Variants in CFAP92 observed in about 807,000 individuals in gnomAD.
CFAP92 encodes uncharacterized protein CFAP92.
In CFAP92, 86 loss-of-function variants were observed where a neutral mutation model predicts 106.3. The ratio of observed to expected loss-of-function variants is 0.81; its 90% CI spans 0.68 to 0.97. The LOEUF (loss-of-function observed/expected upper bound fraction) is 0.97. CFAP92 is among the 50% of genes least tolerant of loss of function. CFAP92 has a pLI of 0.00. For missense variants in CFAP92, 1,204 were observed against 1,283.8 expected (o/e 0.94, Z 0.95); for synonymous variants, 477 against 506.4 (o/e 0.94, Z 0.78).
intron 12 of CFAP92, among the ~76,000 whole-genome samples, chr3:128,927,786 A>G (rs1419154298): frequency 3.3e-5 from 5 of 152,148 alleles, no homozygotes; most frequent in African/African-American, 1.2e-4. Flanking sequence ...AAGTAATTCA[A>G]TTCATAACAC....
the CFAP92 span, among the ~76,000 whole-genome samples, chr3:129,020,659 G>T: frequency 4.6e-5 from 7 of 152,126 alleles, no homozygotes; most frequent in African/African-American, 1.7e-4. Flanking sequence ...ATAAAATGAT[G>T]GGAAAGTTGA....
chr3:128,942,197 T>C (rs1408456999), intron 10 of CFAP92, among the ~76,000 whole-genome samples: 1 of 152,202 alleles, frequency 6.6e-6, no homozygotes, highest in Non-Finnish European at 1.5e-5. Context: ...ACAGTTACAG[T>C]TGTATTACAG....
rs753649149 is a variant in CFAP92 at position 128,945,471 on chromosome 3, T to G, written c.1858A>C (p.Met620Leu). 2 of 1,536,060 alleles carry G rather than the reference T, an allele frequency of 1.3e-6. No individual in the cohort carries two copies. The highest frequency in any genetic ancestry group is 4.9e-5 in the East Asian group (2 of 40,938). ...GCCTCTAGGTAGTTGCCCCTGGGCA[T>G]TGGGCCGTGCTGGTGGCCATCTCTG... Reference protein sequence around the residue: ...VPRDGHQHGPMPRGNYLEADS... With the variant: ...VPRDGHQHGPLPRGNYLEADS... Residue 620 changes from methionine to leucine, a missense_variant, in exon 10 of 16, where the codon ATG becomes CTG. Transcript: ENST00000645291.
chr3:128,966,948 TAAAC>T (rs906270064), intron 8 of CFAP92: 2 of 151,854 alleles, frequency 1.3e-5, no homozygotes, highest in African/African-American at 2.4e-5. Context: ...ACAAAACAAA[TAAAC>T]AAAAAAAATC....
At chr3:128,981,646 A>G (rs1026353367) in intron 4 of CFAP92, among the ~76,000 whole-genome samples, 6 of 152,190 alleles carry the variant, frequency 3.9e-5, no homozygotes, top group African/African-American at 1.4e-4. Flanking sequence ...GAAGGTTTTC[A>G]ATTTACTTGG....
intron 10 of CFAP92, among the ~76,000 whole-genome samples, chr3:128,938,828 A>G (rs1241475963): frequency 6.6e-6 from 1 of 152,052 alleles, no homozygotes; most frequent in African/African-American, 2.4e-5. Context: ...GGCCAGTACA[A>G]CAAGGAGATG....
chr3:128,947,981 A>G (rs962715607), intron 9 of CFAP92, among the ~76,000 whole-genome samples: 8 of 151,996 alleles, frequency 5.3e-5, no homozygotes, highest in African/African-American at 1.9e-4. Context: ...TGCATACATG[A>G]AAAAAAATGT....
chr3:128,962,336 C>T (rs1051102481), intron 9 of CFAP92, among the ~76,000 whole-genome samples: 80 of 152,214 alleles, frequency 5.3e-4, no homozygotes, highest in Admixed American at 1.1e-3. Context: ...GCCTCCATAA[C>T]TGTTGTGGGT....
intron 10 of CFAP92, among the ~76,000 whole-genome samples, chr3:128,943,536 TC>T (rs1354638294): frequency 6.6e-6 from 1 of 151,506 alleles, no homozygotes; most frequent in African/African-American, 2.4e-5. Context: ...GTATTTCATT[TC>T]TTTTTTTTTT....
chr3:128,915,299 CAGG>C, intron 14 of CFAP92, 24 bp from the exon 15 acceptor site: 4 of 1,535,984 alleles, frequency 2.6e-6, no homozygotes, highest in Non-Finnish European at 3.5e-6. Flanking sequence ...GTAAGTAAAT[CAGG>C]AGGAGAAAGG....
intron 4 of CFAP92, among the ~76,000 whole-genome samples, chr3:128,980,219 T>C (rs1359159121): frequency 6.6e-6 from 1 of 150,602 alleles, no homozygotes; most frequent in Admixed American, 6.6e-5. Context: ...AAAAGAAAAA[T>C]AGCTGGGCAT....
chr3:129,024,796 C>T, the CFAP92 span, among the ~76,000 whole-genome samples: 1 of 152,200 alleles, frequency 6.6e-6, no homozygotes, highest in Non-Finnish European at 1.5e-5. Flanking sequence ...CCTCTCTACA[C>T]TGTTGCATTG....
At position 128,982,624 on chromosome 3, in the gene CFAP92, G is replaced by A. The variant is rs550896329; in HGVS notation, c.668-4439C>T. Among the ~76,000 whole-genome samples, 173 of 152,262 alleles carry A rather than the reference G, an allele frequency of 1.1e-3. 1 individual carries two copies. Among genetic ancestry groups the A allele is most frequent in the African/African-American group, 4.0e-3 (165 of 41,552 alleles). ...AGCTTTCATCCTATCTAGGCTTTTC[G>A]ATGTGGCTTCCTCACTAAGCTTAAT... On this transcript the variant is annotated intron_variant, in intron 4 of 15. Coordinates refer to ENST00000645291, the MANE Select transcript of CFAP92 (RefSeq NM_001394090.1).
chr3:128,998,422 C>A (rs1354087681), upstream of CFAP92, among the ~76,000 whole-genome samples: 2 of 152,054 alleles, frequency 1.3e-5, no homozygotes, highest in Non-Finnish European at 2.9e-5. Flanking sequence ...GAACACTAAG[C>A]AAATCTACTA....
intron 12 of CFAP92, among the ~76,000 whole-genome samples, chr3:128,920,664 G>A (rs1357904973): frequency 1.2e-4 from 18 of 152,110 alleles, no homozygotes; most frequent in Admixed American, 1.2e-3. Flanking sequence ...CGGCGTCCAG[G>A]GTCTAAAACC....
chr3:128,944,111 G>A (rs1007393739), intron 10 of CFAP92, among the ~76,000 whole-genome samples: 1 of 151,118 alleles, frequency 6.6e-6, no homozygotes, highest in African/African-American at 2.4e-5. Flanking sequence ...TGTATTTTTT[G>A]TAGTAACAAG....
At chr3:128,993,872 C>T in intron 1 of CFAP92, 108 bp downstream of exon 1, 6 of 857,078 alleles carry the variant, frequency 7.0e-6, no homozygotes, top group Non-Finnish European at 8.4e-6. Flanking sequence ...GAACGCCGGG[C>T]AAACGCCGAA....
At chr3:128,962,045 T>C (rs868444152) in intron 9 of CFAP92, among the ~76,000 whole-genome samples, 41 of 152,194 alleles carry the variant, frequency 2.7e-4, no homozygotes, top group African/African-American at 8.9e-4. Flanking sequence ...TCCTAAGCCG[T>C]GTCCCATCTG....
chr3:128,946,035 G>T (rs944457264), intron 9 of CFAP92, 60 bp from the exon 10 acceptor site: 14 of 1,251,770 alleles, frequency 1.1e-5, no homozygotes, highest in Non-Finnish European at 1.3e-5. Flanking sequence ...CTCAGCCCCA[G>T]CATGAGGAGC....
Sources: allele counts gnomAD v4.1 joint callset (sites outside exome capture counted in the v4.1 genomes callset), GRCh38; gene constraint gnomAD v4.1.1; transcripts MANE v1.5; gene names NCBI Gene and HGNC (gene_info 2026-07-23, HGNC 2026-07-21).